RAB11FIP4: variants seen among roughly 807,000 people sequenced by gnomAD.
The protein encoded by RAB11FIP4 is RAB11 family interacting protein 4.
RAB11FIP4 carries 23 observed loss-of-function variants against 74.3 expected under a neutral mutation model. That is an observed-to-expected ratio of 0.31 (90% CI 0.22 to 0.44). RAB11FIP4 has a LOEUF of 0.44. Ranked by LOEUF, RAB11FIP4 falls within the 20% of genes least tolerant of loss-of-function variation. The pLI, the probability that RAB11FIP4 is intolerant of heterozygous loss-of-function variation, is 1.00. For missense variants in RAB11FIP4, 630 were observed against 863.9 expected, an observed-to-expected ratio of 0.73 and a Z score of 3.39; for synonymous variants, 360 against 359.9, an observed-to-expected ratio of 1.00 and a Z score of 0.00.
chr17:31,497,126 G>A (rs1222597436), intron 3 of RAB11FIP4, among the ~76,000 whole-genome samples: 1 of 152,160 alleles, frequency 6.6e-6, no homozygotes, highest in Non-Finnish European at 1.5e-5. Flanking sequence ...CACTTTGGGA[G>A]GCCAACGCGG....
At chr17:31,496,712 C>G (rs2072123110) in intron 3 of RAB11FIP4, among the ~76,000 whole-genome samples, 1 of 152,222 alleles carries the variant, frequency 6.6e-6, no homozygotes, top group African/African-American at 2.4e-5. Context: ...TGGCACAGAC[C>G]TCAGAAGCCC....
chr17:31,493,581 G>T (rs114601717), intron 3 of RAB11FIP4, among the ~76,000 whole-genome samples: 1 of 152,054 alleles, frequency 6.6e-6, no homozygotes, highest in East Asian at 1.9e-4. Flanking sequence ...CTGCTCCCTC[G>T]TTTTCCTGGA....
At chr17:31,480,373 T>C (rs1480773588) in intron 3 of RAB11FIP4, among the ~76,000 whole-genome samples, 1 of 152,034 alleles carries the variant, frequency 6.6e-6, no homozygotes, top group Non-Finnish European at 1.5e-5. Context: ...AGGTAGGACA[T>C]TGAGCATGGT....
intron 6 of RAB11FIP4, 131 bp downstream of exon 6, chr17:31,522,180 C>A: frequency 7.4e-7 from 1 of 1,354,470 alleles, no homozygotes; most frequent in South Asian, 1.3e-5. Context: ...AGGGTTGATC[C>A]AGGGGCTTTT....
At chr17:31,474,866 AAAACAAAAC>A (rs1467225895) in intron 3 of RAB11FIP4, among the ~76,000 whole-genome samples, 2 of 112,956 alleles carry the variant, frequency 1.8e-5, no homozygotes, top group African/African-American at 6.1e-5. Flanking sequence ...AAAACAAAAC[AAAACAAAAC>A]AAAAAACAAA....
intron 3 of RAB11FIP4, among the ~76,000 whole-genome samples, chr17:31,499,366 CT>C (rs943185151): frequency 6.6e-6 from 1 of 151,250 alleles, no homozygotes; most frequent in South Asian, 2.1e-4. Context: ...TTTCTTTCTT[CT>C]TTTTTTTTAG....
intron 3 of RAB11FIP4, among the ~76,000 whole-genome samples, chr17:31,467,057 T>C (rs1392773622): frequency 6.6e-6 from 1 of 152,148 alleles, no homozygotes; most frequent in African/African-American, 2.4e-5. Flanking sequence ...TAAGGCCCAG[T>C]GTCCTTAAAC....
chr17:31,503,367 T>C (rs1236432428), intron 3 of RAB11FIP4, among the ~76,000 whole-genome samples: 2 of 149,690 alleles, frequency 1.3e-5, no homozygotes, highest in Non-Finnish European at 2.9e-5. Flanking sequence ...TATCTACAAA[T>C]ACAGTCACAT....
At chr17:31,530,682 T>C (rs960408309) in intron 14 of RAB11FIP4, among the ~76,000 whole-genome samples, 13 of 151,732 alleles carry the variant, frequency 8.6e-5, no homozygotes, top group Admixed American at 4.6e-4. Context: ...CTGGAAGGAG[T>C]GCGGGTTTGG....
At chr17:31,420,628 A>G (rs551882513) in intron 1 of RAB11FIP4, among the ~76,000 whole-genome samples, 18 of 151,658 alleles carry the variant, frequency 1.2e-4, no homozygotes, top group Non-Finnish European at 2.4e-4. Context: ...CAAAAAAAAA[A>G]CCAGATTTGG....
intron 3 of RAB11FIP4, among the ~76,000 whole-genome samples, chr17:31,437,975 C>G (rs1055834369): frequency 6.6e-6 from 1 of 152,190 alleles, no homozygotes; most frequent in African/African-American, 2.4e-5. Flanking sequence ...CAGAGGGAAA[C>G]TTTGAGGCTT....
At chr17:31,476,856 T>G (rs909405697) in intron 3 of RAB11FIP4, among the ~76,000 whole-genome samples, 1 of 152,186 alleles carries the variant, frequency 6.6e-6, no homozygotes, top group East Asian at 1.9e-4. Flanking sequence ...CCTTTGGTTT[T>G]CCTTTGCCCA....
At chr17:31,483,668 T>C (rs934585100) in intron 3 of RAB11FIP4, among the ~76,000 whole-genome samples, 1 of 152,178 alleles carries the variant, frequency 6.6e-6, no homozygotes, top group Non-Finnish European at 1.5e-5. Context: ...CTTTTTGTTT[T>C]AGCTCCAATA....
At chr17:31,490,509 CT>C in intron 3 of RAB11FIP4, among the ~76,000 whole-genome samples, 1 of 152,022 alleles carries the variant, frequency 6.6e-6, no homozygotes, top group South Asian at 2.1e-4. Flanking sequence ...AAAGGGCATG[CT>C]GTTTCCTGGC....
At chr17:31,491,921 A>T (rs1194575271) in intron 3 of RAB11FIP4, among the ~76,000 whole-genome samples, 1 of 152,208 alleles carries the variant, frequency 6.6e-6, no homozygotes, top group African/African-American at 2.4e-5. Context: ...GAGCCTGTCC[A>T]TGTGAACGTG....
intron 1 of RAB11FIP4, among the ~76,000 whole-genome samples, chr17:31,411,583 C>T (rs178843): frequency 0.2 from 31,065 of 152,144 alleles, 3,398 homozygotes; most frequent in East Asian, 0.38. Context: ...CTCTGTTACA[C>T]TGGTCCTCCA....
chr17:31,507,983 C>T (rs1180289092), intron 3 of RAB11FIP4, among the ~76,000 whole-genome samples: 2 of 152,152 alleles, frequency 1.3e-5, no homozygotes, highest in Non-Finnish European at 2.9e-5. Context: ...TGCGCCACCA[C>T]ACCTGGCTAA....
chr17:31,495,245 G>T (rs930059494), intron 3 of RAB11FIP4, among the ~76,000 whole-genome samples: 1 of 152,170 alleles, frequency 6.6e-6, no homozygotes, highest in East Asian at 1.9e-4. Context: ...ACTGCCCTTG[G>T]TAGTTAACCA....
At chr17:31,431,683 C>A (rs1691057977) in intron 1 of RAB11FIP4, 130 bp from the exon 2 acceptor site, 1 of 714,898 alleles carries the variant, frequency 1.4e-6, no homozygotes, top group Non-Finnish European at 2.4e-6. Flanking sequence ...ATACTGACCC[C>A]AGGGTGAGGG....
Sources: allele counts gnomAD v4.1 joint callset (sites outside exome capture counted in the v4.1 genomes callset), GRCh38; gene constraint gnomAD v4.1.1; transcripts MANE v1.5; gene names NCBI Gene and HGNC (gene_info 2026-07-23, HGNC 2026-07-21).